Variants in GRID2 observed in about 807,000 individuals in gnomAD.
GRID2 encodes glutamate receptor ionotropic, delta-2.
In GRID2, 33 loss-of-function variants were observed where a neutral mutation model predicts 114.8. That is an observed-to-expected ratio of 0.29 (90% CI 0.22 to 0.38). The LOEUF (loss-of-function observed/expected upper bound fraction) is 0.38. GRID2 is among the 10% of genes least tolerant of loss of function. The probability of loss-of-function intolerance (pLI) is 1.00; values close to 1 mark genes in which losing one functional copy is unlikely to be tolerated. For missense variants in GRID2, 1,184 were observed against 1,257.7 expected, an observed-to-expected ratio of 0.94 and a Z score of 0.89; for synonymous variants, 505 against 449.9, an observed-to-expected ratio of 1.12 and a Z score of -1.55.
In GRID2 at chr4:93,455,939, C is replaced by A; in HGVS notation, c.1823C>A (p.Ser608Tyr). The part of the protein sequence containing the change: ...GSMTSTTLYN[S>Y]MWFVYGSFVQ... ...ATGACGTCTACTACTCTCTACAACT[C>A]CATGTGGTTTGTGTATGGATCTTTT... Residue 608 changes from serine to tyrosine, a missense_variant, in exon 11 of 16, where the codon TCC becomes TAC. Physicochemically the swap from Ser to Tyr is moderately radical, Grantham distance 144. This residue lies in a region of GRID2 where 717 missense variants were observed against 796.9 expected (regional missense o/e 0.90). Transcript: ENST00000282020. 1 of 1,609,984 alleles carries A rather than the reference C, an allele frequency of 6.2e-7. No individual in the cohort carries two copies. The highest frequency in any genetic ancestry group is 8.5e-7 in the Non-Finnish European group (1 of 1,176,378).
At chr4:92,478,996 G>C (rs970942608) in intron 1 of GRID2, among the ~76,000 whole-genome samples, 1 of 152,012 alleles carries the variant, frequency 6.6e-6, no homozygotes, top group Non-Finnish European at 1.5e-5. Context: ...CTTTCTTTAT[G>C]GTGTGGCTGC....
chr4:93,192,702 G>C (rs1579247911), intron 4 of GRID2, among the ~76,000 whole-genome samples: 1 of 143,344 alleles, frequency 7.0e-6, no homozygotes, highest in East Asian at 2.1e-4. Flanking sequence ...AGCCAAGACT[G>C]TGCCATTGCA....
intron 8 of GRID2, among the ~76,000 whole-genome samples, chr4:93,277,864 G>C (rs1448526080): frequency 6.6e-6 from 1 of 151,908 alleles, no homozygotes; most frequent in Non-Finnish European, 1.5e-5. Flanking sequence ...TGAATGAACA[G>C]AGGGAACACG....
At chr4:93,614,911 T>A (rs2149672512) in intron 13 of GRID2, among the ~76,000 whole-genome samples, 1 of 152,304 alleles carries the variant, frequency 6.6e-6, no homozygotes, top group African/African-American at 2.4e-5. Flanking sequence ...AGTAGGACAA[T>A]TTTACTCTTT....
chr4:92,495,306 C>A (rs1723333270), intron 1 of GRID2, among the ~76,000 whole-genome samples: 1 of 151,956 alleles, frequency 6.6e-6, no homozygotes, highest in African/African-American at 2.4e-5. Flanking sequence ...GAAACTATTT[C>A]CTAGAATCTA....
intron 1 of GRID2, among the ~76,000 whole-genome samples, chr4:92,370,261 A>C (rs1729057574): frequency 6.6e-6 from 1 of 152,152 alleles, no homozygotes; most frequent in African/African-American, 2.4e-5. Flanking sequence ...AAACTTAATA[A>C]ATGTTGTGAG....
chr4:92,308,274 C>T (rs1725516838), intron 1 of GRID2, among the ~76,000 whole-genome samples: 1 of 152,110 alleles, frequency 6.6e-6, no homozygotes, highest in South Asian at 2.1e-4. Context: ...ATATATGCTC[C>T]TTTCTTTATC....
chr4:92,550,127 T>C (rs1726503866), intron 1 of GRID2, among the ~76,000 whole-genome samples: 1 of 152,160 alleles, frequency 6.6e-6, no homozygotes, highest in South Asian at 2.1e-4. Context: ...GCCACTGATT[T>C]TACCATGCAT....
intron 4 of GRID2, among the ~76,000 whole-genome samples, chr4:93,143,462 A>T (rs771241432): frequency 1.3e-5 from 2 of 152,208 alleles, no homozygotes; most frequent in Non-Finnish European, 2.9e-5. Context: ...AGATAAAACT[A>T]TACATATTCA....
intron 2 of GRID2, among the ~76,000 whole-genome samples, chr4:92,597,440 C>A (rs1260260375): frequency 6.6e-6 from 1 of 152,026 alleles, no homozygotes; most frequent in East Asian, 1.9e-4. Flanking sequence ...AATTTTATAG[C>A]CTTTGTGCTT....
At chr4:93,109,534 G>C (rs1732572357) in intron 3 of GRID2, among the ~76,000 whole-genome samples, 1 of 151,916 alleles carries the variant, frequency 6.6e-6, no homozygotes, top group African/African-American at 2.4e-5. Flanking sequence ...TTTCTGGTTT[G>C]TATGTTGAAA....
At chr4:93,324,065 C>G (rs987156617) in intron 8 of GRID2, among the ~76,000 whole-genome samples, 1 of 152,134 alleles carries the variant, frequency 6.6e-6, no homozygotes, top group East Asian at 1.9e-4. Flanking sequence ...ATTGCCCTGG[C>G]CAGAACTTCC....
intron 2 of GRID2, among the ~76,000 whole-genome samples, chr4:92,648,971 T>C (rs1225648663): frequency 1.9e-5 from 2 of 104,602 alleles, no homozygotes; most frequent in African/African-American, 3.6e-5. Context: ...CTAGCTGATA[T>C]AGAATATGTA....
intron 2 of GRID2, among the ~76,000 whole-genome samples, chr4:92,725,261 G>A (rs1019648806): frequency 2.0e-5 from 3 of 152,096 alleles, no homozygotes; most frequent in African/African-American, 7.2e-5. Context: ...CTGAGATTGC[G>A]CCACTATACT....
intron 13 of GRID2, among the ~76,000 whole-genome samples, chr4:93,579,689 G>T (rs989406031): frequency 5.3e-5 from 8 of 152,094 alleles, no homozygotes; most frequent in African/African-American, 9.7e-5. Context: ...GAGCTCTAGG[G>T]GCTTCTCAGT....
rs541249121 is a variant in GRID2, at chr4:93,590,622, T to C, written c.2194-35647T>C. On this transcript the variant is annotated intron_variant, in intron 13 of 15. Transcript: ENST00000282020. ...CATTGGTAGCTTGATGGGGATAGCA[T>C]TGAATCTGTAAATTACCTTGGGCAG... Among the ~76,000 whole-genome samples, 18 of 152,328 alleles carry C rather than the reference T, an allele frequency of 1.2e-4. 1 individual carries two copies. In the South Asian group the frequency reaches 1.2e-3, roughly 11 times the overall value.
chr4:92,366,980 G>GGGGAT (rs1728901595), intron 1 of GRID2, among the ~76,000 whole-genome samples: 1 of 152,040 alleles, frequency 6.6e-6, no homozygotes, highest in Non-Finnish European at 1.5e-5. Context: ...TCATTTTGTT[G>GGGGAT]TCATACCTCT....
intron 1 of GRID2, among the ~76,000 whole-genome samples, chr4:92,563,095 A>T (rs546505001): frequency 6.6e-6 from 1 of 152,278 alleles, no homozygotes; most frequent in South Asian, 2.1e-4. Context: ...GCCTTTGTGG[A>T]GTAACTATTA....
intron 2 of GRID2, among the ~76,000 whole-genome samples, chr4:92,640,582 A>T (rs959549644): frequency 6.6e-6 from 1 of 151,908 alleles, no homozygotes. Flanking sequence ...GAAGAAAATA[A>T]ATTCTGATAA....
Sources: gnomAD v4.1 joint callset for allele counts (sites outside exome capture counted in the v4.1 genomes callset) on GRCh38, gnomAD v4.1.1 for gene constraint, gnomAD v4.1.1 regional missense constraint, MANE v1.5 for transcripts, NCBI Gene and HGNC (gene_info 2026-07-23, HGNC 2026-07-21) for gene names.